SLC25A26: variants seen among roughly 807,000 people sequenced by gnomAD.
SLC25A26 encodes the protein mitochondrial S-adenosylmethionine carrier protein.
Under a neutral mutation model 37.8 loss-of-function variants are expected in SLC25A26, and 36 were observed. The observed-to-expected ratio is 0.95, with a 90% CI of 0.73 to 1.26. The LOEUF is 1.26. SLC25A26 is among the 50% of genes most tolerant of loss of function. The probability of loss-of-function intolerance (pLI) is 0.00; values close to 1 mark genes in which losing one functional copy is unlikely to be tolerated. For synonymous variants in SLC25A26, 129 were observed against 122.5 expected (o/e 1.05, Z -0.35); for missense variants, 390 against 331.1 (o/e 1.18, Z -1.38).
chr3:66,266,688 C>A (rs1174920834), intron 5 of SLC25A26, among the ~76,000 whole-genome samples: 1 of 147,114 alleles, frequency 6.8e-6, no homozygotes, highest in Non-Finnish European at 1.5e-5. Context: ...GGAGTCTAAA[C>A]AAGGTCAGCA....
intron 1 of SLC25A26, among the ~76,000 whole-genome samples, chr3:66,160,527 C>T (rs1210789990): frequency 2.6e-5 from 4 of 152,240 alleles, no homozygotes; most frequent in South Asian, 2.1e-4. Flanking sequence ...ATTCCCAATA[C>T]ACCTGGCCTT....
At chr3:66,222,206 G>A (rs2071529101) in intron 1 of SLC25A26, among the ~76,000 whole-genome samples, 1 of 149,630 alleles carries the variant, frequency 6.7e-6, no homozygotes, top group Non-Finnish European at 1.5e-5. Context: ...TTTTGAGAAG[G>A]AGTCTCACTC....
chr3:66,328,452 C>G (rs1045070733), intron 5 of SLC25A26, among the ~76,000 whole-genome samples: 1 of 152,134 alleles, frequency 6.6e-6, no homozygotes, highest in South Asian at 2.1e-4. Context: ...GCTGTGGACT[C>G]TAGATTTCCT....
chr3:66,231,394 T>G (rs1173309004), intron 1 of SLC25A26, among the ~76,000 whole-genome samples: 4 of 152,130 alleles, frequency 2.6e-5, no homozygotes, highest in African/African-American at 9.7e-5. Context: ...AGCATGAATT[T>G]TGAATGGCTT....
At chr3:66,220,879 T>C, upstream of SLC25A26, 2 of 600,152 alleles carry the variant, frequency 3.3e-6, no homozygotes, top group East Asian at 3.1e-5. Flanking sequence ...TGCCGAGACT[T>C]AGCTCCACCA....
intron 3 of SLC25A26, among the ~76,000 whole-genome samples, chr3:66,252,243 A>G (rs1170810517): frequency 6.6e-6 from 1 of 152,208 alleles, no homozygotes; most frequent in African/African-American, 2.4e-5. Context: ...TGCAACTGTC[A>G]CTTATTTGCT....
At chr3:66,314,627 C>G (rs143945282) in intron 5 of SLC25A26, among the ~76,000 whole-genome samples, 1 of 151,952 alleles carries the variant, frequency 6.6e-6, no homozygotes, top group African/African-American at 2.4e-5. Flanking sequence ...ATGATGCTGG[C>G]GTCATAGAAT....
chr3:66,352,879 G>A (rs1559730472), intron 6 of SLC25A26, among the ~76,000 whole-genome samples: 1 of 152,058 alleles, frequency 6.6e-6, no homozygotes, highest in African/African-American at 2.4e-5. Flanking sequence ...CCTCTCCAAA[G>A]TAGGACTTTC....
At chr3:66,232,774 T>G (rs1340163200) in intron 1 of SLC25A26, among the ~76,000 whole-genome samples, 2 of 152,260 alleles carry the variant, frequency 1.3e-5, no homozygotes, top group African/African-American at 4.8e-5. Flanking sequence ...GATTTTCTTC[T>G]TCATCCTCGG....
intron 5 of SLC25A26, among the ~76,000 whole-genome samples, chr3:66,274,794 C>G (rs2107386269): frequency 6.6e-6 from 1 of 152,218 alleles, no homozygotes; most frequent in South Asian, 2.1e-4. Flanking sequence ...CACTTTTACA[C>G]TGTTGGTGGG....
At chr3:66,328,582 G>A (rs924425328) in intron 5 of SLC25A26, among the ~76,000 whole-genome samples, 3 of 152,082 alleles carry the variant, frequency 2.0e-5, no homozygotes, top group Non-Finnish European at 4.4e-5. Context: ...TCCATTCATC[G>A]ACAGCTGCTA....
intron 5 of SLC25A26, chr3:66,293,301 T>C (rs2074779287): frequency 6.6e-6 from 1 of 152,106 alleles, no homozygotes; most frequent in South Asian, 2.1e-4. Context: ...TACTAAAACA[T>C]TGAGCCTGGG....
chr3:66,197,856 A>C (rs1018377259), intron 1 of SLC25A26, among the ~76,000 whole-genome samples: 5 of 152,162 alleles, frequency 3.3e-5, no homozygotes, highest in African/African-American at 7.2e-5. Context: ...AATAAAATTC[A>C]GGGAGAAAAT....
chr3:66,308,431 A>G (rs973822559), intron 5 of SLC25A26, among the ~76,000 whole-genome samples: 2 of 152,186 alleles, frequency 1.3e-5, no homozygotes, highest in African/African-American at 2.4e-5. Context: ...AAAATATACA[A>G]TCTTGTTAAC....
intron 1 of SLC25A26, among the ~76,000 whole-genome samples, chr3:66,154,890 G>C (rs780237623): frequency 6.6e-6 from 1 of 152,154 alleles, no homozygotes; most frequent in African/African-American, 2.4e-5. Context: ...TCATTTTGAA[G>C]GTAAAATCAG....
intron 5 of SLC25A26, among the ~76,000 whole-genome samples, chr3:66,301,686 C>T (rs1370160353): frequency 2.6e-5 from 4 of 152,164 alleles, no homozygotes; most frequent in East Asian, 3.8e-4. Flanking sequence ...CTTTTCCTAT[C>T]TACATGTTAC....
intron 6 of SLC25A26, among the ~76,000 whole-genome samples, chr3:66,347,378 C>T (rs1385990114): frequency 1.3e-5 from 2 of 152,182 alleles, no homozygotes; most frequent in Admixed American, 6.5e-5. Context: ...AGAAAAAGCT[C>T]AACATCACTG....
rs75653404 is a variant in SLC25A26 at position 66,364,190 on chromosome 3, A to G, written c.568+1261A>G. Among the ~76,000 whole-genome samples the G allele has an allele frequency of 3.1e-3, 474 of 151,956 alleles. 2 individuals are homozygous for G. Among genetic ancestry groups the G allele is most frequent in the East Asian group, 0.018 (93 of 5,190 alleles). The stretch of plus-strand genomic sequence containing the variant: ...GTCCTATTCCTTGAATACCCAATTC[A>G]AAGATTTGCTTGCAGAGACATTGTT... On this transcript the variant is annotated intron_variant, in intron 7 of 9. Coordinates refer to ENST00000354883, the MANE Select transcript of SLC25A26 (RefSeq NM_001379210.1).
At chr3:66,296,212 A>C (rs556379234) in intron 5 of SLC25A26, among the ~76,000 whole-genome samples, 141 of 152,320 alleles carry the variant, frequency 9.3e-4, no homozygotes, top group African/African-American at 3.1e-3. Flanking sequence ...CAATTCTCTG[A>C]ATTATTAGTT....
Sources: gnomAD v4.1 joint callset for allele counts (sites outside exome capture counted in the v4.1 genomes callset) on GRCh38, gnomAD v4.1.1 for gene constraint, MANE v1.5 for transcripts, NCBI Gene and HGNC (gene_info 2026-07-23, HGNC 2026-07-21) for gene names.